Variants in KCNT2 observed in about 807,000 individuals in gnomAD.
The protein encoded by KCNT2 is potassium sodium-activated channel subfamily T member 2.
In KCNT2, 67 loss-of-function variants were observed where a neutral mutation model predicts 153.8. The observed-to-expected ratio is 0.44, with a 90% CI of 0.36 to 0.53. The LOEUF (loss-of-function observed/expected upper bound fraction) is 0.53. Among genes scored for constraint, KCNT2 ranks in the 20% least tolerant of loss-of-function variants. The probability of loss-of-function intolerance (pLI) is 0.00; values close to 1 mark genes in which losing one functional copy is unlikely to be tolerated. For synonymous variants in KCNT2, 500 were observed against 458.8 expected, an observed-to-expected ratio of 1.09 and a Z score of -1.15; for missense variants, 975 against 1,354.8, an observed-to-expected ratio of 0.72 and a Z score of 4.40.
chr1:196,332,000 T>G (rs1477620318), intron 17 of KCNT2, among the ~76,000 whole-genome samples: 1 of 152,148 alleles, frequency 6.6e-6, no homozygotes, highest in African/African-American at 2.4e-5. Flanking sequence ...CGTAGCAGCA[T>G]AAATGAAAAT....
intron 1 of KCNT2, among the ~76,000 whole-genome samples, chr1:196,565,635 T>A (rs964287792): frequency 2.0e-5 from 3 of 150,228 alleles, no homozygotes; most frequent in Admixed American, 6.7e-5. Flanking sequence ...TATATTATCA[T>A]CACTTAAAAA....
chr1:196,241,188 GTTTTGT>G (rs200445906), intron 26 of KCNT2, among the ~76,000 whole-genome samples: 18 of 151,804 alleles, frequency 1.2e-4, no homozygotes, highest in African/African-American at 2.9e-4. Flanking sequence ...AGAGGGTTTT[GTTTTGT>G]TTTTGTTTTT....
intron 8 of KCNT2, among the ~76,000 whole-genome samples, chr1:196,448,608 T>C (rs957414097): frequency 2.0e-5 from 3 of 151,652 alleles, no homozygotes; most frequent in South Asian, 2.1e-4. Context: ...TGACTTATAG[T>C]TTTTTCTGTT....
intron 1 of KCNT2, among the ~76,000 whole-genome samples, chr1:196,527,240 C>T (rs1654358180): frequency 6.6e-6 from 1 of 152,110 alleles, no homozygotes; most frequent in Admixed American, 6.6e-5. Context: ...TTTGAAATGG[C>T]AAGTTATCTC....
intron 8 of KCNT2, among the ~76,000 whole-genome samples, chr1:196,438,323 T>C (rs1674913231): frequency 6.6e-6 from 1 of 151,830 alleles, no homozygotes; most frequent in Admixed American, 6.6e-5. Context: ...AAAGTGGTGA[T>C]AAGAACATAG....
chr1:196,290,718 G>A (rs1660113619), intron 22 of KCNT2, among the ~76,000 whole-genome samples: 1 of 151,772 alleles, frequency 6.6e-6, no homozygotes, highest in Non-Finnish European at 1.5e-5. Flanking sequence ...TTATTTCCCA[G>A]AATTCTCTCT....
intron 26 of KCNT2, among the ~76,000 whole-genome samples, chr1:196,242,799 TG>T (rs1655077351): frequency 6.6e-6 from 1 of 152,164 alleles, no homozygotes. Context: ...TCAGAATAAG[TG>T]TCAGGAATCT....
chr1:196,319,498 C>T lies in KCNT2; in HGVS notation c.2334G>A (p.Val778=). 6.2e-7 allele frequency: 1 copy of T among 1,609,816 alleles called. No individual in the cohort carries two copies. The highest frequency in any genetic ancestry group is 8.5e-7 in the Non-Finnish European group (1 of 1,177,206). Residue 778 remains valine, a synonymous_variant, in exon 20 of 28, where the codon GTG becomes GTA. Coordinates refer to ENST00000294725, the MANE Select transcript of KCNT2 (RefSeq NM_198503.5). Reference sequence around the variant, plus strand: ...TTGTCACCTACTTGTCAATAGAGCCCACCATGTAGTAAACCATTGGAAACC... The same window carrying T: ...TTGTCACCTACTTGTCAATAGAGCCTACCATGTAGTAAACCATTGGAAACC... ...ICWFPMVYYM[V]GSIDNLDDLL...
rs1195974878 is a variant in KCNT2 at position 196,326,902 on chromosome 1, AAGT to A, written c.2104-16_2104-14del. The A allele has an allele frequency of 4.7e-6, 7 of 1,496,434 alleles. No homozygotes were observed. The highest frequency in any genetic ancestry group is 6.3e-6 in the Non-Finnish European group (7 of 1,116,438). 92.7% of individuals were successfully genotyped at this position (1,496,434 alleles called of 1,614,324 possible). A position where few individuals can be genotyped will look rare whatever the true frequency, so the allele number is the denominator to read the frequency against. ...TATGTTGGCAACTCTAGAGAAGAGA[AAGT>A]ATACATTGAAATGCCATTTGGATAC... On this transcript the variant is annotated splice_polypyrimidine_tract_variant and intron_variant, in intron 18 of 27. Coordinates refer to ENST00000294725, the MANE Select transcript of KCNT2 (RefSeq NM_198503.5).
intron 13 of KCNT2, among the ~76,000 whole-genome samples, chr1:196,382,617 A>G (rs1457976222): frequency 6.6e-6 from 1 of 152,106 alleles, no homozygotes; most frequent in African/African-American, 2.4e-5. Context: ...CACTCAGCAA[A>G]GATATGGAAA....
intron 1 of KCNT2, among the ~76,000 whole-genome samples, chr1:196,589,215 C>T (rs534429695): frequency 6.6e-6 from 1 of 151,718 alleles, no homozygotes; most frequent in African/African-American, 2.4e-5. Context: ...TATTGTATAA[C>T]TCCACTTGTG....
chr1:196,431,657 C>T lies in KCNT2; in HGVS notation c.639-1900G>A, dbSNP rs942985039. Among the ~76,000 whole-genome samples the T allele has an allele frequency of 3.9e-5, 6 of 152,182 alleles. No homozygotes were observed. In the East Asian group the frequency reaches 5.8e-4, roughly 15 times the overall value. ...AATTTAAAGGTGGTGAACTAGAATA[C>T]GTAGCAGAAGAAATCTCTAAGCAAA... On this transcript the variant is annotated intron_variant, in intron 8 of 27. Transcript: ENST00000294725.
At position 196,341,077 on chromosome 1, in the gene KCNT2, A is replaced by G. The variant is rs150604769; in HGVS notation, c.1554-507T>C. Reference sequence around the variant, plus strand: ...TAGGTATGTACTTAGTCAGAAAAAAAAAGTAAAGTAGAATACAGAAGCTCC... The same window carrying G: ...TAGGTATGTACTTAGTCAGAAAAAAGAAGTAAAGTAGAATACAGAAGCTCC... On this transcript the variant is annotated intron_variant, in intron 15 of 27. Transcript: ENST00000294725. Among the ~76,000 whole-genome samples the G allele has an allele frequency of 2.0e-3, 307 of 152,090 alleles. 4 individuals are homozygous for G. In the East Asian group the frequency reaches 0.033, roughly 16 times the overall value.
At chr1:196,259,989 T>C (rs1051175285) in intron 25 of KCNT2, among the ~76,000 whole-genome samples, 1 of 151,852 alleles carries the variant, frequency 6.6e-6, no homozygotes, top group African/African-American at 2.4e-5. Flanking sequence ...ACACATAAAC[T>C]CTTAAGTAAT....
intron 1 of KCNT2, among the ~76,000 whole-genome samples, chr1:196,542,239 G>A (rs1410672314): frequency 6.6e-6 from 1 of 152,110 alleles, no homozygotes. Flanking sequence ...TGTCTCATTA[G>A]AATTTGTTAA....
intron 1 of KCNT2, among the ~76,000 whole-genome samples, chr1:196,578,695 A>C (rs1301090812): frequency 6.6e-6 from 1 of 152,138 alleles, no homozygotes; most frequent in African/African-American, 2.4e-5. Flanking sequence ...GGACTGACCA[A>C]AGAGACTAAA....
intron 22 of KCNT2, among the ~76,000 whole-genome samples, chr1:196,289,263 T>C (rs1366294064): frequency 6.6e-6 from 1 of 152,080 alleles, no homozygotes; most frequent in Non-Finnish European, 1.5e-5. Context: ...ATCACCTTAC[T>C]TAAAACCTGT....
At chr1:196,383,179 T>C (rs539053437) in intron 13 of KCNT2, among the ~76,000 whole-genome samples, 32 of 152,254 alleles carry the variant, frequency 2.1e-4, no homozygotes, top group Middle Eastern at 3.4e-3. Context: ...CTATTTGTGA[T>C]GAAGGGCCAG....
At position 196,583,672 on chromosome 1, in the gene KCNT2, A is replaced by G. The variant is rs78918941; in HGVS notation, c.95+24543T>C. 1.1e-3 allele frequency among the ~76,000 whole-genome samples: 175 copies of G among 152,202 alleles called. 1 individual carries two copies. Among genetic ancestry groups the G allele is most frequent in the African/African-American group, 4.1e-3 (172 of 41,564 alleles). ...AAAACAAAGAAGAATGATATCATAG[A>G]AATCAAGAGAAGGAAGTTTCAAGAA... On this transcript the variant is annotated intron_variant, in intron 1 of 27. Transcript: ENST00000294725.
Sources: allele counts gnomAD v4.1 joint callset (sites outside exome capture counted in the v4.1 genomes callset), GRCh38; gene constraint gnomAD v4.1.1; transcripts MANE v1.5; gene names NCBI Gene and HGNC (gene_info 2026-07-23, HGNC 2026-07-21).